Variants in PKHD1 observed in about 807,000 individuals in gnomAD.
PKHD1 encodes the protein PKHD1 ciliary IPT domain containing fibrocystin/polyductin.
Under a neutral mutation model 412.0 loss-of-function variants are expected in PKHD1, and 291 were observed. The ratio of observed to expected loss-of-function variants is 0.71; its 90% CI spans 0.64 to 0.78. The LOEUF (loss-of-function observed/expected upper bound fraction) is 0.78. PKHD1 is among the 30% of genes least tolerant of loss of function. The probability of loss-of-function intolerance (pLI) is 0.00; values close to 1 mark genes in which losing one functional copy is unlikely to be tolerated. For synonymous variants in PKHD1, 1,777 were observed against 1,821.5 expected, an observed-to-expected ratio of 0.98 and a Z score of 0.62; for missense variants, 4,825 against 4,950.7, an observed-to-expected ratio of 0.97 and a Z score of 0.76.
chr6:51,630,090 A>G (rs78571979), intron 65 of PKHD1, among the ~76,000 whole-genome samples: 5,425 of 152,272 alleles, frequency 0.036, 409 homozygotes, highest in Admixed American at 0.19. Flanking sequence ...ACCAAAGCAT[A>G]ATGCATGGAT....
intron 35 of PKHD1, among the ~76,000 whole-genome samples, chr6:51,984,119 G>A (rs561760178): frequency 6.6e-6 from 1 of 152,212 alleles, no homozygotes; most frequent in Non-Finnish European, 1.5e-5. Context: ...AAAGCCCATA[G>A]AGAGGCTTCA....
At chr6:51,682,352 T>C in intron 60 of PKHD1, 1 of 374,278 alleles carries the variant, frequency 2.7e-6, no homozygotes. Flanking sequence ...CAGTATTCTC[T>C]GTTAAAGCTC....
chr6:51,812,353 C>G (rs1362115902), intron 52 of PKHD1, among the ~76,000 whole-genome samples: 2 of 152,100 alleles, frequency 1.3e-5, no homozygotes, highest in African/African-American at 4.8e-5. Context: ...AAATTCTAAG[C>G]CTCCCAACCA....
intron 61 of PKHD1, among the ~76,000 whole-genome samples, chr6:51,653,573 T>C (rs547137015): frequency 6.6e-6 from 1 of 152,298 alleles, no homozygotes; most frequent in African/African-American, 2.4e-5. Context: ...TATTCTGTGA[T>C]ACTTCTGATT....
chr6:51,981,632 C>T (rs1331065789), intron 35 of PKHD1, among the ~76,000 whole-genome samples: 1 of 135,606 alleles, frequency 7.4e-6, no homozygotes, highest in Non-Finnish European at 1.7e-5. Context: ...AGTGGGTGCC[C>T]AGGCTGGAGT....
chr6:51,994,276 A>G (rs1797439004), intron 35 of PKHD1, among the ~76,000 whole-genome samples: 1 of 151,986 alleles, frequency 6.6e-6, no homozygotes, highest in Non-Finnish European at 1.5e-5. Context: ...CTGGGACTAC[A>G]GGCGCCTGCC....
chr6:51,984,941 G>GA (rs1562060330), intron 35 of PKHD1, among the ~76,000 whole-genome samples: 1 of 151,338 alleles, frequency 6.6e-6, no homozygotes, highest in African/African-American at 2.4e-5. Flanking sequence ...TACAACTAGA[G>GA]AAAAAATAAG....
At chr6:51,726,541 T>C (rs1008534188) in intron 60 of PKHD1, among the ~76,000 whole-genome samples, 21 of 152,202 alleles carry the variant, frequency 1.4e-4, no homozygotes, top group African/African-American at 5.1e-4. Flanking sequence ...CTCTGTTCCC[T>C]CTAAGTTCCC....
chr6:52,014,724 G>A (rs575753825), intron 34 of PKHD1, among the ~76,000 whole-genome samples: 1 of 143,636 alleles, frequency 7.0e-6, no homozygotes, highest in Non-Finnish European at 1.5e-5. Context: ...ATGGATGGAT[G>A]GATGGATGGA....
chr6:51,830,870 T>A lies in PKHD1; in HGVS notation c.8293A>T (p.Ile2765Phe), dbSNP rs1330906186. The A allele has an allele frequency of 6.2e-7, 1 of 1,612,514 alleles. No homozygotes were observed. Among genetic ancestry groups the A allele is most frequent in the Non-Finnish European group, 8.5e-7 (1 of 1,178,780 alleles). The change falls in exon 52 of 67, where the codon ATT becomes TTT. Residue 2765 changes from isoleucine to phenylalanine, a missense_variant. Ile to Phe is a conservative substitution (Grantham distance 21). Transcript: ENST00000371117. ...GGGTAGTTTTACTCACTGGGTAAAA[T>A]GAGAACGTCATCCCCAGGGCCTGGA... The part of the protein sequence containing the change: ...TIPGPGDDVL[I>F]LPNRTVLVDT...
Position 52,024,708 on chromosome 6 carries a change from A to G in PKHD1, c.5102T>C (p.Val1701Ala). Residue 1701 changes from valine to alanine, a missense_variant, in exon 32 of 67, where the codon GTT becomes GCT. Transcript: ENST00000371117. ...AAGGGAAGGGACCACGCACTGAAGA[A>G]CGGTGTGGTTACCAGAGACACCCAC... ...PCVGVSGNHT[V>A]LQCVVPSLPA... 1 of 1,614,230 alleles carries G rather than the reference A, an allele frequency of 6.2e-7. No homozygotes were observed. Among genetic ancestry groups the G allele is most frequent in the Non-Finnish European group, 8.5e-7 (1 of 1,180,028 alleles).
At chr6:51,818,202 G>A (rs150473265) in intron 52 of PKHD1, among the ~76,000 whole-genome samples, 1 of 152,250 alleles carries the variant, frequency 6.6e-6, no homozygotes, top group African/African-American at 2.4e-5. Context: ...CAGAATCCTG[G>A]CCTGGATAAT....
intron 60 of PKHD1, among the ~76,000 whole-genome samples, chr6:51,708,954 G>A (rs1483817630): frequency 1.3e-5 from 2 of 152,184 alleles, no homozygotes; most frequent in East Asian, 3.9e-4. Flanking sequence ...GAGAAATGAA[G>A]ACCATTTATG....
Position 51,748,148 on chromosome 6 carries a change from A to C in PKHD1, c.9468T>G (p.Gly3156=). ...CGCTGTTCTCTACATGTAACATGGC[A>C]CCATAGTCAAAGTTCTTGAAAGCCA... is the stretch of plus-strand genomic sequence containing the variant. ...GFLAFKNFDY[G]AMLHVENSVE... Residue 3156 remains glycine (G), a synonymous_variant, in exon 58 of 67, where the codon GGT becomes GGG. Coordinates refer to ENST00000371117, the MANE Select transcript of PKHD1 (RefSeq NM_138694.4). The C allele has an allele frequency of 6.2e-7, 1 of 1,614,102 alleles. No individual in the cohort carries two copies. The highest frequency in any genetic ancestry group is 8.5e-7 in the Non-Finnish European group (1 of 1,179,962).
At chr6:51,658,839 A>T in intron 61 of PKHD1, 113 bp downstream of exon 61, 1 of 746,636 alleles carries the variant, frequency 1.3e-6, no homozygotes. Context: ...TTCTTATCTT[A>T]AAAAGCAGAT....
intron 60 of PKHD1, among the ~76,000 whole-genome samples, chr6:51,686,749 A>G (rs1316170122): frequency 1.3e-5 from 2 of 152,196 alleles, no homozygotes; most frequent in African/African-American, 4.8e-5. Context: ...TAGTAGACTC[A>G]GTAATATGTG....
At position 51,993,883 on chromosome 6, in the gene PKHD1, G is replaced by A. The variant is rs146453237; in HGVS notation, c.5751+16426C>T. Among the ~76,000 whole-genome samples the A allele has an allele frequency of 9.0e-3, 1,373 of 152,250 alleles. 11 individuals carry two copies. Among genetic ancestry groups the A allele is most frequent in the Non-Finnish European group, 0.014 (965 of 67,990 alleles). On this transcript the variant is annotated intron_variant, in intron 35 of 66. Coordinates refer to ENST00000371117, the MANE Select transcript of PKHD1 (RefSeq NM_138694.4). ...TAAGACAGAATCAGACAGTGTCAAA[G>A]TGGAAAGGGAGCTAAAAATGACCTA...
At chr6:51,934,380 A>G (rs1787146106) in intron 36 of PKHD1, 58 bp from the exon 37 acceptor site, 1 of 1,024,634 alleles carries the variant, frequency 9.8e-7, no homozygotes, top group Admixed American at 1.7e-5. Flanking sequence ...CCGTTTTGTC[A>G]GTTTCAATGC....
intron 37 of PKHD1, among the ~76,000 whole-genome samples, chr6:51,928,776 T>C (rs548151177): frequency 1.2e-4 from 19 of 152,148 alleles, no homozygotes; most frequent in Admixed American, 1.2e-3. Flanking sequence ...GTGAAGTCAA[T>C]ACATGCAGAG....
Sources: gnomAD v4.1 joint callset for allele counts (sites outside exome capture counted in the v4.1 genomes callset) on GRCh38, gnomAD v4.1.1 for gene constraint, MANE v1.5 for transcripts, NCBI Gene and HGNC (gene_info 2026-07-23, HGNC 2026-07-21) for gene names.